Variants in OSBPL1A observed in about 807,000 individuals in gnomAD.
OSBPL1A encodes oxysterol binding protein like 1A.
A neutral mutation model predicts 137.1 loss-of-function variants in OSBPL1A; 80 were observed. That is an observed-to-expected ratio of 0.58 (90% CI 0.49 to 0.70). The LOEUF is 0.70. Among genes scored for constraint, OSBPL1A ranks in the 30% least tolerant of loss-of-function variants. OSBPL1A has a pLI of 0.00. For synonymous variants in OSBPL1A, 365 were observed against 389.7 expected, an observed-to-expected ratio of 0.94 and a Z score of 0.75; for missense variants, 970 against 1,129.4, an observed-to-expected ratio of 0.86 and a Z score of 2.02.
Position 24,194,939 on chromosome 18 carries a change from G to C in OSBPL1A, c.1677+1186C>G, listed in dbSNP as rs573758717. Among the ~76,000 whole-genome samples, 4 of 152,184 alleles carry C rather than the reference G, an allele frequency of 2.6e-5. No homozygotes were observed. In the East Asian group the frequency reaches 7.7e-4, roughly 29 times the overall value. On this transcript the variant is annotated intron_variant, in intron 18 of 27. Transcript: ENST00000319481. ...TTTAAAATTAATGTTTATGAAATTT[G>C]TTCCTTGGAAATTACATTTAGGAAG...
intron 2 of OSBPL1A, among the ~76,000 whole-genome samples, chr18:24,376,922 G>A (rs371471354): frequency 3.9e-5 from 6 of 152,212 alleles, no homozygotes; most frequent in African/African-American, 1.4e-4. Context: ...AACTCCAGCC[G>A]GCCCGCAAAC....
At chr18:24,197,104 T>C (rs568268619) in intron 17 of OSBPL1A, among the ~76,000 whole-genome samples, 10 of 152,300 alleles carry the variant, frequency 6.6e-5, no homozygotes, top group South Asian at 2.1e-4. Flanking sequence ...TCCCAGCACA[T>C]TGGGAGTCCA....
At chr18:24,382,468 T>G (rs1906668359) in intron 1 of OSBPL1A, among the ~76,000 whole-genome samples, 1 of 150,688 alleles carries the variant, frequency 6.6e-6, no homozygotes, top group African/African-American at 2.4e-5. Context: ...TCCCAGCCAT[T>G]GGAGAGGCTG....
At chr18:24,371,814 C>G (rs1905662521) in intron 2 of OSBPL1A, among the ~76,000 whole-genome samples, 1 of 152,186 alleles carries the variant, frequency 6.6e-6, no homozygotes, top group Non-Finnish European at 1.5e-5. Context: ...GTCACTGGGT[C>G]CCAGGGGCAG....
At position 24,358,443 on chromosome 18, in the gene OSBPL1A, T is replaced by C. The variant is rs567830869; in HGVS notation, c.282+8449A>G. The C allele has an allele frequency of 9.1e-4, 640 of 702,258 alleles. 8 individuals are homozygous for C. Among genetic ancestry groups the C allele is most frequent in the South Asian group, 8.1e-3 (548 of 67,578 alleles). 43.5% of individuals were successfully genotyped at this position (702,258 alleles called of 1,614,324 possible). On this transcript the variant is annotated intron_variant, in intron 4 of 27. Transcript: ENST00000319481. The stretch of plus-strand genomic sequence containing the variant: ...CTTCTTCCCCACCCTCGTGCACAGG[T>C]GTGATGCCACGAGCACTCCATAAAC...
intron 2 of OSBPL1A, among the ~76,000 whole-genome samples, chr18:24,373,596 T>C (rs530206884): frequency 6.6e-6 from 1 of 152,298 alleles, no homozygotes; most frequent in South Asian, 2.1e-4. Flanking sequence ...CATCAGCCCT[T>C]CTTTCCCTCA....
intron 15 of OSBPL1A, among the ~76,000 whole-genome samples, chr18:24,276,906 A>T (rs190318679): frequency 1.9e-3 from 284 of 152,300 alleles, no homozygotes; most frequent in African/African-American, 6.4e-3. Flanking sequence ...GCCTGCACAC[A>T]CTGTAAACCC....
At chr18:24,385,054 A>C (rs1370692820) in intron 1 of OSBPL1A, among the ~76,000 whole-genome samples, 4 of 150,670 alleles carry the variant, frequency 2.7e-5, no homozygotes, top group Non-Finnish European at 5.9e-5. Context: ...TCCCGGGTTC[A>C]CGCCATTCTC....
intron 4 of OSBPL1A, among the ~76,000 whole-genome samples, chr18:24,359,902 G>A (rs2091596030): frequency 6.6e-6 from 1 of 151,960 alleles, no homozygotes; most frequent in Non-Finnish European, 1.5e-5. Context: ...AACACTAGGG[G>A]GCACTAATGT....
At chr18:24,186,894 ACT>A (rs1369301404) in intron 18 of OSBPL1A, among the ~76,000 whole-genome samples, 4 of 121,896 alleles carry the variant, frequency 3.3e-5, no homozygotes, top group African/African-American at 1.3e-4. Flanking sequence ...ACAGAACAAG[ACT>A]CTGTCTCAAA....
In OSBPL1A at chr18:24,163,020, G is replaced by A. The variant is rs955949124; in HGVS notation, c.*159C>T. ...TCCTAAGACTTTCATCACCAATATC[G>A]CCTTATACCCTGCTTTTGTTGGGTG... On this transcript the variant is annotated 3_prime_UTR_variant, in exon 28 of 28. Coordinates refer to ENST00000319481, the MANE Select transcript of OSBPL1A (RefSeq NM_080597.4). The A allele has an allele frequency of 3.7e-6, 2 of 533,718 alleles. No individual in the cohort carries two copies. Among genetic ancestry groups the A allele is most frequent in the East Asian group, 3.3e-5 (1 of 30,122 alleles). 33.1% of individuals were successfully genotyped at this position (533,718 alleles called of 1,614,324 possible). A position where few individuals can be genotyped will look rare whatever the true frequency, so the allele number is the denominator to read the frequency against.
At chr18:24,248,528 A>G (rs2088974821) in intron 15 of OSBPL1A, among the ~76,000 whole-genome samples, 1 of 152,234 alleles carries the variant, frequency 6.6e-6, no homozygotes, top group Non-Finnish European at 1.5e-5. Flanking sequence ...TCTTCACTCA[A>G]GCTCCTCCAT....
intron 16 of OSBPL1A, among the ~76,000 whole-genome samples, chr18:24,231,241 C>T (rs550600918): frequency 6.6e-6 from 1 of 152,178 alleles, no homozygotes; most frequent in African/African-American, 2.4e-5. Context: ...TAAAATCTCA[C>T]AAAGTTTGCT....
chr18:24,212,442 C>T (rs1009041578), intron 17 of OSBPL1A, among the ~76,000 whole-genome samples: 1 of 152,062 alleles, frequency 6.6e-6, no homozygotes, highest in Admixed American at 6.6e-5. Flanking sequence ...ACAAATATAA[C>T]CTTATTTTAA....
rs577709841 is a variant in OSBPL1A at position 24,180,912 on chromosome 18, A to G, written c.1812+233T>C. Among the ~76,000 whole-genome samples, 6 of 152,198 alleles carry G rather than the reference A, an allele frequency of 3.9e-5. No homozygotes were observed. In the East Asian group the frequency reaches 1.2e-3, roughly 29 times the overall value. On this transcript the variant is annotated intron_variant, in intron 19 of 27. Transcript: ENST00000319481. The stretch of plus-strand genomic sequence containing the variant: ...AAAAAAGGATTTAGCAAAACCCACT[A>G]ATATCTAGGTTTGCTTAATGGGCCA...
At chr18:24,377,834 G>A (rs1417348964) in intron 1 of OSBPL1A, among the ~76,000 whole-genome samples, 3 of 152,108 alleles carry the variant, frequency 2.0e-5, no homozygotes, top group African/African-American at 7.2e-5. Context: ...TTATGTATGT[G>A]AAAGCATTCT....
chr18:24,293,228 G>A (rs1318332212), intron 14 of OSBPL1A, among the ~76,000 whole-genome samples: 2 of 152,088 alleles, frequency 1.3e-5, no homozygotes, highest in East Asian at 3.9e-4. Context: ...CTGGCGTGCG[G>A]GACACAGTTA....
chr18:24,255,609 C>T (rs138648939), intron 15 of OSBPL1A, among the ~76,000 whole-genome samples: 4 of 152,094 alleles, frequency 2.6e-5, no homozygotes, highest in African/African-American at 9.7e-5. Flanking sequence ...CTTTCCAGAC[C>T]GAACCAATGT....
At chr18:24,268,201 C>T (rs919487598) in intron 15 of OSBPL1A, among the ~76,000 whole-genome samples, 2 of 152,076 alleles carry the variant, frequency 1.3e-5, no homozygotes, top group East Asian at 3.9e-4. Flanking sequence ...CTGCAACCTC[C>T]CCTTCCCAGG....
Sources: allele counts gnomAD v4.1 joint callset (sites outside exome capture counted in the v4.1 genomes callset), GRCh38; gene constraint gnomAD v4.1.1; transcripts MANE v1.5; gene names NCBI Gene and HGNC (gene_info 2026-07-23, HGNC 2026-07-21).